Variants in ERG observed in about 807,000 individuals in gnomAD.
ERG encodes the protein ETS transcription factor ERG, also known as transcriptional regulator ERG.
Under a neutral mutation model 55.3 loss-of-function variants are expected in ERG, and 9 were observed. The observed-to-expected ratio is 0.16, with a 90% confidence interval of 0.10 to 0.28. The LOEUF is 0.28. ERG is among the 10% of genes least tolerant of loss of function. The pLI is 1.00. For synonymous variants in ERG, 223 were observed against 237.3 expected, an observed-to-expected ratio of 0.94 and a Z score of 0.55; for missense variants, 434 against 631.6, an observed-to-expected ratio of 0.69 and a Z score of 3.35.
chr21:38,374,047 AC>A, the ERG span, among the ~76,000 whole-genome samples: 1 of 152,142 alleles, frequency 6.6e-6, no homozygotes, highest in African/African-American at 2.4e-5. Flanking sequence ...TATAATCTCT[AC>A]CCAAGGAAGA....
At chr21:38,397,909 G>A (rs1320212509) in intron 6 of ERG, among the ~76,000 whole-genome samples, 1 of 152,160 alleles carries the variant, frequency 6.6e-6, no homozygotes, top group Non-Finnish European at 1.5e-5. Context: ...TGTTACCTAG[G>A]AGCCTGGCTT....
At chr21:38,504,613 AGAC>A (rs1411958967) in intron 2 of ERG, among the ~76,000 whole-genome samples, 5 of 152,350 alleles carry the variant, frequency 3.3e-5, no homozygotes, top group African/African-American at 1.2e-4. Flanking sequence ...TAGATGCTAC[AGAC>A]ATCACGTTGC....
intron 1 of ERG, among the ~76,000 whole-genome samples, chr21:38,617,161 T>A (rs898182128): frequency 1.3e-4 from 20 of 152,228 alleles, no homozygotes; most frequent in Admixed American, 5.9e-4. Context: ...CCCTCATGAA[T>A]TTTGACAGAG....
chr21:38,583,514 A>C (rs2836542), intron 1 of ERG, among the ~76,000 whole-genome samples: 76,133 of 152,064 alleles, frequency 0.5, 21,809 homozygotes, highest in Non-Finnish European at 0.64. Context: ...AAATAAGAAA[A>C]TGGACTTCTT....
chr21:38,462,520 C>T (rs2059053176), intron 1 of ERG, among the ~76,000 whole-genome samples: 1 of 152,110 alleles, frequency 6.6e-6, no homozygotes, highest in South Asian at 2.1e-4. Context: ...AGTAATAAGA[C>T]ACTTTATGAA....
chr21:38,564,556 T>C (rs1409310202), intron 2 of ERG, among the ~76,000 whole-genome samples: 3 of 152,166 alleles, frequency 2.0e-5, no homozygotes, highest in Admixed American at 6.5e-5. Context: ...GTTGTTTGCA[T>C]ATAAGCTGTC....
At chr21:38,463,409 G>T (rs766898883) in intron 1 of ERG, among the ~76,000 whole-genome samples, 1 of 152,184 alleles carries the variant, frequency 6.6e-6, no homozygotes, top group Non-Finnish European at 1.5e-5. Context: ...CAGGAGATTC[G>T]TCAGGGCTGG....
intron 3 of ERG, among the ~76,000 whole-genome samples, chr21:38,413,124 C>G (rs1189237723): frequency 6.6e-6 from 1 of 152,186 alleles, no homozygotes; most frequent in East Asian, 1.9e-4. Flanking sequence ...AAACCCAAAT[C>G]TCTGCATTAT....
intron 1 of ERG, among the ~76,000 whole-genome samples, chr21:38,647,774 G>A (rs2060465861): frequency 6.6e-6 from 1 of 152,082 alleles, no homozygotes; most frequent in African/African-American, 2.4e-5. Flanking sequence ...GAATTGAAAG[G>A]GTTATGTTAC....
chr21:38,491,848 G>A (rs965985442), intron 1 of ERG, among the ~76,000 whole-genome samples: 2 of 152,164 alleles, frequency 1.3e-5, no homozygotes, highest in Non-Finnish European at 2.9e-5. Flanking sequence ...CTTGGATCTC[G>A]CCAAATATGG....
upstream of ERG, among the ~76,000 whole-genome samples, chr21:38,498,984 A>G (rs983371495): frequency 2.0e-5 from 3 of 152,236 alleles, no homozygotes; most frequent in African/African-American, 4.8e-5. This position sits in a 1 kb window ranked among gnomAD's most constrained non-coding sequence, Gnocchi z 4.6. Flanking sequence ...GATTTTTAAC[A>G]ACCTATATTT....
chr21:38,386,981 C>A (rs1048823650), intron 9 of ERG, among the ~76,000 whole-genome samples: 1 of 151,928 alleles, frequency 6.6e-6, no homozygotes, highest in Non-Finnish European at 1.5e-5. Flanking sequence ...AGAGGCACTC[C>A]TTTAATTTTA....
intron 4 of ERG, among the ~76,000 whole-genome samples, chr21:38,402,906 T>A (rs1038663066): frequency 2.0e-5 from 3 of 152,026 alleles, no homozygotes; most frequent in African/African-American, 7.2e-5. Flanking sequence ...GGAGGAGAAT[T>A]TATCCACCTC....
At chr21:38,392,123 T>A (rs1429775913) in intron 7 of ERG, among the ~76,000 whole-genome samples, 1 of 152,190 alleles carries the variant, frequency 6.6e-6, no homozygotes, top group Non-Finnish European at 1.5e-5. Context: ...TACTCAAACA[T>A]CCCATGAAAC....
chr21:38,367,818 G>A, the ERG span, among the ~76,000 whole-genome samples: 11 of 152,166 alleles, frequency 7.2e-5, no homozygotes, highest in African/African-American at 1.7e-4. Flanking sequence ...CGAAACCTAC[G>A]GTACAGAGAG....
intron 2 of ERG, among the ~76,000 whole-genome samples, chr21:38,504,731 C>T (rs1568863224): frequency 6.6e-6 from 1 of 152,194 alleles, no homozygotes; most frequent in African/African-American, 2.4e-5. Context: ...TCCAAAGTAT[C>T]CTTTCCCAGG....
At chr21:38,572,382 A>T (rs1001601564) in intron 2 of ERG, among the ~76,000 whole-genome samples, 2 of 151,080 alleles carry the variant, frequency 1.3e-5, no homozygotes, top group African/African-American at 4.9e-5. Context: ...AAAAAAAAAA[A>T]AAAAGAACTT....
the ERG span, among the ~76,000 whole-genome samples, chr21:38,368,309 C>T: frequency 2.0e-5 from 3 of 152,136 alleles, no homozygotes; most frequent in Non-Finnish European, 2.9e-5. Context: ...TCTTTCTCTG[C>T]TTTCAAAATG....
chr21:38,503,816 C>T (rs1487483636), intron 2 of ERG, among the ~76,000 whole-genome samples: 3 of 152,140 alleles, frequency 2.0e-5, no homozygotes, highest in Non-Finnish European at 2.9e-5. Context: ...ATGGAAAACT[C>T]CAGCACTCCA....
Sources: gnomAD v4.1 joint callset for allele counts (sites outside exome capture counted in the v4.1 genomes callset) on GRCh38, gnomAD v4.1.1 for gene constraint, Gnocchi (gnomAD v3.1) non-coding constraint, MANE v1.5 for transcripts, NCBI Gene and HGNC (gene_info 2026-07-23, HGNC 2026-07-21) for gene names.